Variants in DIP2C observed in about 807,000 individuals in gnomAD.
The protein encoded by DIP2C is disco-interacting protein 2 homolog C.
In DIP2C, 33 loss-of-function variants were observed where a neutral mutation model predicts 192.4. The ratio of observed to expected loss-of-function variants is 0.17; its 90% CI spans 0.13 to 0.23. The LOEUF (loss-of-function observed/expected upper bound fraction) is 0.23, where lower values mean the gene tolerates loss of function less well. Ranked by LOEUF, DIP2C falls within the 10% of genes least tolerant of loss-of-function variation. DIP2C has a pLI of 1.00. For synonymous variants in DIP2C, 979 were observed against 864.1 expected, an observed-to-expected ratio of 1.13 and a Z score of -2.33; for missense variants, 1,537 against 2,110.1, an observed-to-expected ratio of 0.73 and a Z score of 5.32.
chr10:279,835 T>TAA (rs548053536), intron 36 of DIP2C, among the ~76,000 whole-genome samples: 1 of 152,164 alleles, frequency 6.6e-6, no homozygotes, highest in South Asian at 2.1e-4. Context: ...TGTTACAGAA[T>TAA]AAGCACCACG....
At chr10:477,915 G>C (rs980581124) in intron 2 of DIP2C, among the ~76,000 whole-genome samples, 5 of 105,730 alleles carry the variant, frequency 4.7e-5, no homozygotes, top group Non-Finnish European at 7.5e-5. Context: ...GGAAAGAAAA[G>C]ACAGGAAAAG....
chr10:576,871 T>C (rs559549312), intron 1 of DIP2C, among the ~76,000 whole-genome samples: 17 of 152,222 alleles, frequency 1.1e-4, no homozygotes, highest in African/African-American at 3.6e-4. Flanking sequence ...GATCGTACTG[T>C]TGTGCTCCAC....
At chr10:409,136 G>C (rs370518608) in intron 8 of DIP2C, 119 bp from the exon 9 acceptor site, 3 of 917,640 alleles carry the variant, frequency 3.3e-6, no homozygotes, top group Non-Finnish European at 4.8e-6. Context: ...GTCTGCAAGC[G>C]ACTTGAAGTG....
Position 345,054 on chromosome 10 carries a change from G to T in DIP2C, c.3288C>A (p.Ser1096=). ...CGTCCACAGCCGCCGCCGCCTCCCT[G>T]GACCGCAGCAACTTACAGATCAGCT... ...TTQLICKLLR[S]REAAAAVDVR... is the part of the protein sequence containing the mutation. Residue 1096 remains serine (S), a synonymous_variant, in exon 27 of 37, where the codon TCC becomes TCA. Coordinates refer to ENST00000280886, the MANE Select transcript of DIP2C (RefSeq NM_014974.3). 6.2e-7 allele frequency: 1 copy of T among 1,613,720 alleles called. No homozygotes were observed.
At chr10:544,777 ATTTTC>A (rs1351008401) in intron 1 of DIP2C, among the ~76,000 whole-genome samples, 1 of 151,878 alleles carries the variant, frequency 6.6e-6, no homozygotes, top group East Asian at 1.9e-4. Context: ...TTTAAATTGG[ATTTTC>A]TTTTCATTGC....
At chr10:305,039 G>T (rs1031403837) in intron 32 of DIP2C, among the ~76,000 whole-genome samples, 19 of 151,948 alleles carry the variant, frequency 1.3e-4, no homozygotes, top group African/African-American at 4.4e-4. Context: ...ATATGCACGT[G>T]TCTATACTTG....
At chr10:600,782 A>C (rs1588565157) in intron 1 of DIP2C, among the ~76,000 whole-genome samples, 2 of 152,244 alleles carry the variant, frequency 1.3e-5, no homozygotes, top group Non-Finnish European at 2.9e-5. Context: ...CGTTGTGGAC[A>C]AACACTGATT....
chr10:413,071 A>ACCT (rs1489150415), intron 8 of DIP2C, among the ~76,000 whole-genome samples: 2 of 151,928 alleles, frequency 1.3e-5, no homozygotes, highest in Non-Finnish European at 2.9e-5. Context: ...TGCAGCCTCG[A>ACCT]CCTCCTCCTC....
At chr10:295,592 A>C (rs1589411521) in intron 32 of DIP2C, among the ~76,000 whole-genome samples, 2 of 1,850 alleles carry the variant, frequency 1.1e-3, no homozygotes, top group Non-Finnish European at 2.5e-3. Flanking sequence ...AAAAAAAAAA[A>C]AAAAAAAAAA....
chr10:349,568 G>C (rs1051548307), intron 24 of DIP2C, 114 bp from the exon 25 acceptor site: 28 of 1,424,640 alleles, frequency 2.0e-5, no homozygotes, highest in Non-Finnish European at 2.6e-5. Context: ...CTGGTTTTTA[G>C]AACAAGCACA....
chr10:577,832 T>TC, intron 1 of DIP2C, among the ~76,000 whole-genome samples: 1 of 151,826 alleles, frequency 6.6e-6, no homozygotes, highest in Non-Finnish European at 1.5e-5. Context: ...TGTTTTTTTT[T>TC]TTTTAACCAC....
At chr10:631,682 C>T (rs1854528204) in intron 1 of DIP2C, among the ~76,000 whole-genome samples, 1 of 152,158 alleles carries the variant, frequency 6.6e-6, no homozygotes, top group South Asian at 2.1e-4. Context: ...TGCTAAATGT[C>T]ACTTCTCCAG....
At chr10:384,376 T>A (rs535351656) in intron 15 of DIP2C, among the ~76,000 whole-genome samples, 170 bp downstream of exon 15, 1 of 148,848 alleles carries the variant, frequency 6.7e-6, no homozygotes, top group South Asian at 2.2e-4. Flanking sequence ...TAGCTGGGAT[T>A]ATAGGCATGC....
chr10:542,321 AACAGATGC>A (rs1848041711), intron 1 of DIP2C, among the ~76,000 whole-genome samples: 1 of 152,170 alleles, frequency 6.6e-6, no homozygotes, highest in African/African-American at 2.4e-5. Flanking sequence ...CATGTCCCTC[AACAGATGC>A]TCTATGTCTT....
At position 414,094 on chromosome 10, in the gene DIP2C, C is replaced by T. The variant is rs200472665; in HGVS notation, c.876G>A (p.Pro292=). 76 of 1,612,372 alleles carry T rather than the reference C, an allele frequency of 4.7e-5. No homozygotes were observed. Among genetic ancestry groups the T allele is most frequent in the African/African-American group, 1.3e-4 (10 of 75,028 alleles). ...GGGCCCCCTCCGGCTTTGGTTGGTTCGGATCCGGTTGTTGAACTAAATCGT... is the reference window on the plus strand; with the variant it reads ...GGGCCCCCTCCGGCTTTGGTTGGTTTGGATCCGGTTGTTGAACTAAATCGT... ...EELLEVQQPD[P]NQPKPEGAQM... Residue 292 remains proline (P), a synonymous_variant, in exon 8 of 37, where the codon CCG becomes CCA. Coordinates refer to ENST00000280886, the MANE Select transcript of DIP2C (RefSeq NM_014974.3).
chr10:281,429 T>G (rs1954813478), intron 35 of DIP2C, 106 bp from the exon 36 acceptor site: 2 of 1,445,296 alleles, frequency 1.4e-6, no homozygotes, highest in African/African-American at 2.9e-5. Flanking sequence ...GAGACAGGGA[T>G]GCAAAGGAAG....
intron 32 of DIP2C, among the ~76,000 whole-genome samples, chr10:291,957 C>T (rs1256245385): frequency 6.6e-6 from 1 of 152,204 alleles, no homozygotes; most frequent in Non-Finnish European, 1.5e-5. Context: ...ACAGGCTCAG[C>T]CAGGCTGGCC....
chr10:636,850 C>T lies in DIP2C; in HGVS notation c.85+52644G>A, dbSNP rs1328699826. On this transcript the variant is annotated intron_variant, in intron 1 of 36. Coordinates refer to ENST00000280886, the MANE Select transcript of DIP2C (RefSeq NM_014974.3). This position sits in a 1 kb window ranked among gnomAD's most constrained non-coding sequence, Gnocchi z 4.6. ...GGAAGTTTCAGTCTCGAGGCGCAAT[C>T]ACCTTCCGTCATACACTTCTCAGCA... Among the ~76,000 whole-genome samples the T allele has an allele frequency of 6.6e-6, 1 of 152,216 alleles. No individual in the cohort carries two copies. Among genetic ancestry groups the T allele is most frequent in the Non-Finnish European group, 1.5e-5 (1 of 68,038 alleles).
chr10:597,858 G>A (rs1588557648), intron 1 of DIP2C, among the ~76,000 whole-genome samples: 1 of 152,110 alleles, frequency 6.6e-6, no homozygotes, highest in Non-Finnish European at 1.5e-5. Context: ...GTCCTTTCCT[G>A]GCTATTTATG....
Sources: allele counts gnomAD v4.1 joint callset (sites outside exome capture counted in the v4.1 genomes callset), GRCh38; gene constraint gnomAD v4.1.1; non-coding constraint Gnocchi (gnomAD v3.1); transcripts MANE v1.5; gene names NCBI Gene and HGNC (gene_info 2026-07-23, HGNC 2026-07-21).